Variants in NLGN4Y observed in about 807,000 individuals in gnomAD.
NLGN4Y encodes neuroligin-4, Y-linked.
Under a neutral mutation model 8.4 loss-of-function variants are expected in NLGN4Y, and 4 were observed. That is an observed-to-expected ratio of 0.48 (90% CI 0.23 to 1.09). The LOEUF is 1.09. NLGN4Y is among the 50% of genes least tolerant of loss of function. The pLI is 0.19. For synonymous variants in NLGN4Y, 35 were observed against 75.6 expected, an observed-to-expected ratio of 0.46 and a Z score of 2.78; for missense variants, 90 against 192.3, an observed-to-expected ratio of 0.47 and a Z score of 3.15.
chrY:14,726,082 C>T (rs1053513669), intron 4 of NLGN4Y, among the ~76,000 whole-genome samples: 3 of 33,157 alleles, frequency 9.0e-5, no homozygotes, highest in Admixed American at 5.5e-4. Flanking sequence ...CCCATAAGAT[C>T]TTAGTTCACT....
chrY:14,833,421 C>A (rs1025904793), intron 6 of NLGN4Y, among the ~76,000 whole-genome samples: 1 of 33,767 alleles, frequency 3.0e-5, no homozygotes, highest in Non-Finnish European at 7.4e-5. Context: ...CCCATGAAAT[C>A]TTTACAATTT....
chrY:14,818,552 G>A (rs1421483238), intron 4 of NLGN4Y, among the ~76,000 whole-genome samples: 2 of 33,053 alleles, frequency 6.1e-5, no homozygotes, highest in South Asian at 6.9e-4. Context: ...CTTTCCACAG[G>A]CACCCTCAGT....
chrY:14,802,535 T>A, intron 4 of NLGN4Y, among the ~76,000 whole-genome samples: 1 of 28,881 alleles, frequency 3.5e-5, no homozygotes, highest in Non-Finnish European at 8.0e-5. Flanking sequence ...TAAGATCACA[T>A]TATATATAAA....
intron 4 of NLGN4Y, among the ~76,000 whole-genome samples, chrY:14,799,543 A>AT (rs2043023629): frequency 3.0e-5 from 1 of 33,255 alleles, no homozygotes; most frequent in African/African-American, 1.2e-4. Context: ...ATTTATTAGT[A>AT]TTTTTCCCAA....
intron 1 of NLGN4Y, among the ~76,000 whole-genome samples, chrY:14,543,887 C>T (rs2080159739): frequency 2.1e-4 from 7 of 33,594 alleles, no homozygotes; most frequent in Admixed American, 1.9e-3. Flanking sequence ...CACATGTGTA[C>T]GCACACACAA....
chrY:14,639,093 A>C lies in NLGN4Y; in HGVS notation c.472+16502A>C, dbSNP rs910074721. ...CGGGCCCAGCCCTGCAAATCTCTAG[A>C]AGGTGACGATATTCTTTAAAACACT... On this transcript the variant is annotated intron_variant, in intron 2 of 6. Coordinates refer to ENST00000684976, the MANE Select transcript of NLGN4Y (RefSeq NM_001365588.1). 8.8e-5 allele frequency: 7 copies of C among 79,660 alleles called. No individual in the cohort carries two copies. In the East Asian group the frequency reaches 1.5e-3, roughly 17 times the overall value. 19.9% of individuals were successfully genotyped at this position (79,660 alleles called of 400,897 possible).
At chrY:14,708,551 T>C (rs2080889433) in intron 2 of NLGN4Y, among the ~76,000 whole-genome samples, 1 of 33,755 alleles carries the variant, frequency 3.0e-5, no homozygotes, top group African/African-American at 1.2e-4. Flanking sequence ...CAGTGAATAA[T>C]TGAGGAACTC....
intron 4 of NLGN4Y, among the ~76,000 whole-genome samples, chrY:14,764,958 G>A (rs2081089504): frequency 2.9e-5 from 1 of 34,047 alleles, no homozygotes; most frequent in Non-Finnish European, 7.3e-5. Context: ...TTAAAATAGA[G>A]CCAAGTGCAT....
intron 6 of NLGN4Y, among the ~76,000 whole-genome samples, chrY:14,833,223 C>T: frequency 3.0e-5 from 1 of 33,430 alleles, no homozygotes; most frequent in Non-Finnish European, 7.4e-5. Flanking sequence ...TTGCTGTTAT[C>T]CTGTTCTTTT....
intron 2 of NLGN4Y, among the ~76,000 whole-genome samples, chrY:14,713,056 G>A: frequency 3.0e-5 from 1 of 33,480 alleles, no homozygotes; most frequent in Non-Finnish European, 7.4e-5. Flanking sequence ...AAATTGCCCC[G>A]GGAGGAGCAA....
intron 1 of NLGN4Y, among the ~76,000 whole-genome samples, chrY:14,586,542 C>T (rs752006139): frequency 1.2e-4 from 4 of 32,618 alleles, no homozygotes; most frequent in South Asian, 1.4e-3. Context: ...ATGAACGAAA[C>T]GTAGAGGCCG....
At chrY:14,536,025 C>T in intron 1 of NLGN4Y, among the ~76,000 whole-genome samples, 1 of 32,646 alleles carries the variant, frequency 3.1e-5, no homozygotes, top group African/African-American at 1.2e-4. Flanking sequence ...AGTTATGTGT[C>T]TAGATATTTC....
intron 1 of NLGN4Y, among the ~76,000 whole-genome samples, chrY:14,527,040 A>G: frequency 8.9e-5 from 3 of 33,669 alleles, no homozygotes; most frequent in African/African-American, 2.3e-4. Context: ...CTGACTCGCC[A>G]TCAGAGAATT....
chrY:14,640,175 G>A, intron 2 of NLGN4Y: 1 of 120,578 alleles, frequency 8.3e-6, no homozygotes, highest in Non-Finnish European at 1.8e-5. Flanking sequence ...GCTGCACATC[G>A]AAGGCACAGT....
chrY:14,833,226 G>C, intron 6 of NLGN4Y, among the ~76,000 whole-genome samples: 1 of 33,472 alleles, frequency 3.0e-5, no homozygotes. Context: ...CTGTTATCCT[G>C]TTCTTTTTTC....
At chrY:14,590,781 C>T in intron 1 of NLGN4Y, among the ~76,000 whole-genome samples, 1 of 33,054 alleles carries the variant, frequency 3.0e-5, no homozygotes, top group Middle Eastern at 0.014. Flanking sequence ...GCATCTCGTA[C>T]TATCCCTGAT....
chrY:14,753,190 G>A, intron 4 of NLGN4Y, among the ~76,000 whole-genome samples: 1 of 30,691 alleles, frequency 3.3e-5, no homozygotes, highest in Admixed American at 3.1e-4. Context: ...CCAGGCTGGA[G>A]TGCAATGGCG....
chrY:14,836,511 G>A, intron 6 of NLGN4Y, among the ~76,000 whole-genome samples: 1 of 27,884 alleles, frequency 3.6e-5, no homozygotes, highest in East Asian at 9.1e-4. Flanking sequence ...CCGAGACAGA[G>A]TCTTTCTGTG....
chrY:14,800,002 A>G, intron 4 of NLGN4Y, among the ~76,000 whole-genome samples: 18 of 33,405 alleles, frequency 5.4e-4, no homozygotes, highest in Admixed American at 5.0e-3. Flanking sequence ...CAGAGAGCAA[A>G]CCCACTACAT....
Sources: gnomAD v4.1 joint callset for allele counts (sites outside exome capture counted in the v4.1 genomes callset) on GRCh38, gnomAD v4.1.1 for gene constraint, MANE v1.5 for transcripts, NCBI Gene and HGNC (gene_info 2026-07-23, HGNC 2026-07-21) for gene names.